Variants in ARHGAP44 observed in about 807,000 individuals in gnomAD.
ARHGAP44 encodes Rho GTPase activating protein 44.
Under a neutral mutation model 106.8 loss-of-function variants are expected in ARHGAP44, and 43 were observed. That is an observed-to-expected ratio of 0.40 (90% CI 0.32 to 0.52). ARHGAP44 has a LOEUF of 0.52. Ranked by LOEUF, ARHGAP44 falls within the 20% of genes least tolerant of loss-of-function variation. ARHGAP44 has a pLI of 0.48. For missense variants in ARHGAP44, 866 were observed against 1,050.5 expected (o/e 0.82, Z 2.43); for synonymous variants, 439 against 410.3 (o/e 1.07, Z -0.85).
intron 1 of ARHGAP44, among the ~76,000 whole-genome samples, chr17:12,850,357 CAA>C (rs1250577307): frequency 6.6e-6 from 1 of 150,968 alleles, no homozygotes; most frequent in Non-Finnish European, 1.5e-5. Context: ...TTACAATCAA[CAA>C]GAGGACAAAG....
chr17:12,908,961 A>G lies in ARHGAP44; in HGVS notation c.263A>G (p.Asp88Gly). The change falls in exon 4 of 21, where the codon GAC becomes GGC. Residue 88 changes from aspartate to glycine, a missense_variant. By Grantham distance (94) the Asp-to-Gly change is moderately conservative. This residue lies in a region of ARHGAP44 where 448 missense variants were observed against 646.9 expected (regional missense o/e 0.69). Coordinates refer to ENST00000379672, the MANE Select transcript of ARHGAP44 (RefSeq NM_014859.6). ...LMEGSAILGD[D>G]TLLGKMLKLC... ...GAGGGGTCAGCTATCCTGGGAGATG[A>G]CACACTTCTTGGGTAAGGTGACACC... 1.9e-6 allele frequency: 3 copies of G among 1,593,678 alleles called. No individual in the cohort carries two copies. The highest frequency in any genetic ancestry group is 1.7e-6 in the Non-Finnish European group (2 of 1,173,920).
intron 1 of ARHGAP44, among the ~76,000 whole-genome samples, chr17:12,847,164 G>C (rs2035591982): frequency 6.6e-6 from 1 of 152,184 alleles, no homozygotes; most frequent in African/African-American, 2.4e-5. Context: ...AGTATAGGCT[G>C]ATTTGCTACA....
At chr17:12,793,825 T>C (rs933051435) in intron 1 of ARHGAP44, among the ~76,000 whole-genome samples, 4 of 152,366 alleles carry the variant, frequency 2.6e-5, no homozygotes, top group South Asian at 2.1e-4. Flanking sequence ...TTAAACTCTT[T>C]GGAGGCAGGG....
intron 7 of ARHGAP44, among the ~76,000 whole-genome samples, chr17:12,932,747 G>GT (rs2038438210): frequency 1.3e-5 from 2 of 150,598 alleles, no homozygotes; most frequent in Middle Eastern, 3.5e-3. Flanking sequence ...AGTTATGCCA[G>GT]CATCATTTGT....
In ARHGAP44 at chr17:12,990,924, T is replaced by A. The variant is rs1365304153; in HGVS notation, c.*753T>A. 6.6e-6 allele frequency: 1 copy of A among 152,586 alleles called. No homozygotes were observed. The highest frequency in any genetic ancestry group is 1.5e-5 in the Non-Finnish European group (1 of 68,044). The allele number at this position is 152,586 out of a possible 1,614,324, so 9.5% of individuals were successfully genotyped here. ...CAAAGGTGGCCTCCCTGTCCCCAAATATATTGGCTATATGAGAGTAATTTT... is the reference window on the plus strand; with the variant it reads ...CAAAGGTGGCCTCCCTGTCCCCAAAAATATTGGCTATATGAGAGTAATTTT... On this transcript the variant is annotated 3_prime_UTR_variant, in exon 21 of 21. Coordinates refer to ENST00000379672, the MANE Select transcript of ARHGAP44 (RefSeq NM_014859.6).
chr17:12,813,811 C>T (rs904067173), intron 1 of ARHGAP44, among the ~76,000 whole-genome samples: 2 of 151,326 alleles, frequency 1.3e-5, no homozygotes, highest in East Asian at 3.9e-4. Context: ...TCACATATAA[C>T]CATGTGGGCA....
At chr17:12,923,293 C>G (rs1176942573) in intron 6 of ARHGAP44, among the ~76,000 whole-genome samples, 1 of 152,040 alleles carries the variant, frequency 6.6e-6, no homozygotes, top group Non-Finnish European at 1.5e-5. Context: ...TCACTGCAAC[C>G]TCCACCTCCC....
At chr17:12,968,966 T>C (rs1004660223) in intron 16 of ARHGAP44, among the ~76,000 whole-genome samples, 2 of 152,082 alleles carry the variant, frequency 1.3e-5, no homozygotes, top group African/African-American at 4.8e-5. Flanking sequence ...AGATGGGGTT[T>C]CACAGTGTTA....
intron 1 of ARHGAP44, among the ~76,000 whole-genome samples, chr17:12,819,438 CT>C (rs1261283451): frequency 2.0e-5 from 3 of 151,846 alleles, no homozygotes; most frequent in Admixed American, 6.6e-5. Context: ...GTTTTTGTTT[CT>C]TTGGATAAGT....
chr17:12,944,290 C>T (rs1478273810), intron 10 of ARHGAP44, 94 bp downstream of exon 10: 1 of 1,414,396 alleles, frequency 7.1e-7, no homozygotes, highest in African/African-American at 1.4e-5. Context: ...CATCTCCACT[C>T]CGGCCCCCAC....
intron 1 of ARHGAP44, among the ~76,000 whole-genome samples, chr17:12,867,864 T>C (rs770125208): frequency 6.6e-6 from 1 of 152,170 alleles, no homozygotes; most frequent in Non-Finnish European, 1.5e-5. Context: ...ACCTAACGTA[T>C]AAGAAACCAA....
At chr17:12,904,758 A>G (rs959879588) in intron 3 of ARHGAP44, among the ~76,000 whole-genome samples, 1 of 152,216 alleles carries the variant, frequency 6.6e-6, no homozygotes, top group African/African-American at 2.4e-5. Flanking sequence ...TGTATGTATA[A>G]TTGAATCTGC....
chr17:12,816,570 A>G (rs2034603219), intron 1 of ARHGAP44, among the ~76,000 whole-genome samples: 1 of 152,216 alleles, frequency 6.6e-6, no homozygotes, highest in Admixed American at 6.5e-5. Context: ...AATTATTAAG[A>G]GTTTAGCAAG....
chr17:12,821,902 C>T (rs1427303575), intron 1 of ARHGAP44, among the ~76,000 whole-genome samples: 1 of 152,150 alleles, frequency 6.6e-6, no homozygotes, highest in Non-Finnish European at 1.5e-5. Context: ...TTGGCATCTC[C>T]TAGGATTATT....
intron 1 of ARHGAP44, among the ~76,000 whole-genome samples, chr17:12,824,914 C>T (rs573130131): frequency 6.2e-4 from 94 of 151,850 alleles, no homozygotes; most frequent in Non-Finnish European, 1.1e-3. Flanking sequence ...GAAGATTTTC[C>T]GTAGTGCTTG....
chr17:12,891,264 G>C (rs1212929574), intron 1 of ARHGAP44, among the ~76,000 whole-genome samples: 1 of 152,134 alleles, frequency 6.6e-6, no homozygotes, highest in African/African-American at 2.4e-5. Flanking sequence ...TGTTATAGCA[G>C]TACCTCACTC....
chr17:12,979,908 C>T (rs2039787739), intron 18 of ARHGAP44, 150 bp from the exon 19 acceptor site: 10 of 778,566 alleles, frequency 1.3e-5, no homozygotes, highest in Non-Finnish European at 1.9e-5. Context: ...GGGGCACCTG[C>T]GAAGGTTTTA....
chr17:12,910,546 G>A (rs1000607398), intron 4 of ARHGAP44, among the ~76,000 whole-genome samples: 1 of 150,360 alleles, frequency 6.7e-6, no homozygotes, highest in Non-Finnish European at 1.5e-5. Context: ...CATCCCGGGT[G>A]CAAGGGATTC....
chr17:12,826,434 CTT>C (rs1015402231), intron 1 of ARHGAP44, among the ~76,000 whole-genome samples: 1 of 152,208 alleles, frequency 6.6e-6, no homozygotes, highest in African/African-American at 2.4e-5. Flanking sequence ...TTACATTCCT[CTT>C]GTGTATTTTT....
Sources: gnomAD v4.1 joint callset for allele counts (sites outside exome capture counted in the v4.1 genomes callset) on GRCh38, gnomAD v4.1.1 for gene constraint, gnomAD v4.1.1 regional missense constraint, MANE v1.5 for transcripts, NCBI Gene and HGNC (gene_info 2026-07-23, HGNC 2026-07-21) for gene names.